NRG3: variants seen among roughly 807,000 people sequenced by gnomAD.
The protein encoded by NRG3 is neuregulin 3, also known as pro-neuregulin-3, membrane-bound isoform.
A neutral mutation model predicts 66.9 loss-of-function variants in NRG3; 31 were observed. That is an observed-to-expected ratio of 0.46 (90% confidence interval 0.35 to 0.63). The LOEUF (loss-of-function observed/expected upper bound fraction) is 0.63. NRG3 is among the 20% of genes least tolerant of loss of function. The probability of loss-of-function intolerance (pLI) is 0.00; values close to 1 mark genes in which losing one functional copy is unlikely to be tolerated. For synonymous variants in NRG3, 393 were observed against 359.4 expected, an observed-to-expected ratio of 1.09 and a Z score of -1.06; for missense variants, 910 against 878.9, an observed-to-expected ratio of 1.04 and a Z score of -0.45.
chr10:82,848,268 A>G (rs547338940), intron 3 of NRG3, among the ~76,000 whole-genome samples: 1 of 152,322 alleles, frequency 6.6e-6, no homozygotes, highest in Middle Eastern at 3.4e-3. Flanking sequence ...GCCCAAGACT[A>G]TAGGAATCCA....
intron 2 of NRG3, among the ~76,000 whole-genome samples, chr10:82,687,917 C>T (rs1374621121): frequency 1.3e-5 from 2 of 152,136 alleles, no homozygotes; most frequent in African/African-American, 4.8e-5. Context: ...TTTCTCCTGC[C>T]ATTCTAGACA....
At chr10:82,400,790 G>A (rs1410625805) in intron 2 of NRG3, among the ~76,000 whole-genome samples, 1 of 151,912 alleles carries the variant, frequency 6.6e-6, no homozygotes, top group African/African-American at 2.4e-5. Flanking sequence ...GCCCAAGCTG[G>A]CCTGAAACTG....
At chr10:82,118,479 T>A (rs2067866297) in intron 1 of NRG3, among the ~76,000 whole-genome samples, 1 of 152,068 alleles carries the variant, frequency 6.6e-6, no homozygotes, top group Non-Finnish European at 1.5e-5. Flanking sequence ...TTTTCTTTTT[T>A]AATAGTGTGA....
intron 2 of NRG3, among the ~76,000 whole-genome samples, chr10:82,555,297 C>T (rs2044580698): frequency 6.6e-6 from 1 of 152,102 alleles, no homozygotes; most frequent in Non-Finnish European, 1.5e-5. Context: ...TATTTAAACC[C>T]ATTGTCCAGT....
chr10:82,618,941 T>A (rs902850609), intron 2 of NRG3, among the ~76,000 whole-genome samples: 1 of 150,732 alleles, frequency 6.6e-6, no homozygotes, highest in Non-Finnish European at 1.5e-5. Context: ...TTTTTTTTTT[T>A]ATTTAATTTT....
rs544114044 is a variant in NRG3 at position 82,933,580 on chromosome 10, G to A, written c.1055-17889G>A. On this transcript the variant is annotated intron_variant, in intron 4 of 8. Coordinates refer to ENST00000372141, the MANE Select transcript of NRG3 (RefSeq NM_001010848.4). ...GAAGTTGTGTAATTGTGCCTCATTC[G>A]TCTTTATAGCCAAAGTATAATCCTA... Among the ~76,000 whole-genome samples the A allele has an allele frequency of 2.7e-3, 413 of 152,160 alleles. 1 individual carries two copies. The highest frequency in any genetic ancestry group is 0.01 in the Middle Eastern group (3 of 294).
chr10:82,344,849 C>T (rs2082901968), intron 1 of NRG3, among the ~76,000 whole-genome samples: 1 of 131,308 alleles, frequency 7.6e-6, no homozygotes, highest in Non-Finnish European at 1.5e-5. Flanking sequence ...TTTTTGGCTG[C>T]ATAAATGTCT....
intron 1 of NRG3, among the ~76,000 whole-genome samples, chr10:81,931,948 C>T (rs1306366428): frequency 1.3e-5 from 2 of 152,104 alleles, no homozygotes; most frequent in East Asian, 1.9e-4. Flanking sequence ...GGATAAGGCA[C>T]GTGTATAAGC....
intron 1 of NRG3, among the ~76,000 whole-genome samples, chr10:82,199,942 C>T (rs1009245390): frequency 6.7e-6 from 1 of 150,170 alleles, no homozygotes; most frequent in African/African-American, 2.5e-5. Context: ...GAATAAAGGA[C>T]TATATTCGTA....
intron 2 of NRG3, among the ~76,000 whole-genome samples, chr10:82,686,628 T>C (rs1224638622): frequency 6.6e-6 from 1 of 152,204 alleles, no homozygotes; most frequent in Non-Finnish European, 1.5e-5. Context: ...AGCTCCATTA[T>C]GATCTTATGG....
intron 1 of NRG3, among the ~76,000 whole-genome samples, chr10:81,876,909 T>G (rs1841717546): frequency 1.3e-5 from 2 of 152,026 alleles, no homozygotes; most frequent in African/African-American, 4.8e-5. Flanking sequence ...CTGCCACCTC[T>G]AGGGTCCTGA....
At chr10:81,880,203 A>C (rs1204690216) in intron 1 of NRG3, among the ~76,000 whole-genome samples, 1 of 152,086 alleles carries the variant, frequency 6.6e-6, no homozygotes, top group Non-Finnish European at 1.5e-5. Context: ...GTGTGTTGGC[A>C]AGGATATTTT....
At chr10:82,563,482 C>G (rs1390129012) in intron 2 of NRG3, among the ~76,000 whole-genome samples, 2 of 151,604 alleles carry the variant, frequency 1.3e-5, no homozygotes, top group African/African-American at 4.8e-5. Context: ...CAGCCTGTTC[C>G]CTGAGATTTT....
chr10:81,981,656 C>G (rs1352112413), intron 1 of NRG3, among the ~76,000 whole-genome samples: 1 of 152,196 alleles, frequency 6.6e-6, no homozygotes, highest in African/African-American at 2.4e-5. Flanking sequence ...ATCCTCCCAC[C>G]AGACCTGGGC....
chr10:82,475,352 A>G (rs1388867407), intron 2 of NRG3, among the ~76,000 whole-genome samples: 1 of 152,082 alleles, frequency 6.6e-6, no homozygotes, highest in East Asian at 1.9e-4. Flanking sequence ...TGGATAATCT[A>G]GGGGAAATGG....
At chr10:82,721,511 C>G (rs1166796173) in intron 2 of NRG3, among the ~76,000 whole-genome samples, 1 of 152,082 alleles carries the variant, frequency 6.6e-6, no homozygotes, top group African/African-American at 2.4e-5. Flanking sequence ...CAACCTCCAC[C>G]TCCCGGGTTC....
At chr10:82,334,136 CAAA>C (rs34320765) in intron 1 of NRG3, among the ~76,000 whole-genome samples, 1 of 89,900 alleles carries the variant, frequency 1.1e-5, no homozygotes, top group Non-Finnish European at 2.6e-5. Context: ...CATGGCGTCT[CAAA>C]AAAAAAAAAA....
chr10:82,319,928 T>C (rs1188854938), intron 1 of NRG3, among the ~76,000 whole-genome samples: 1 of 152,202 alleles, frequency 6.6e-6, no homozygotes, highest in Non-Finnish European at 1.5e-5. Flanking sequence ...CTTTCTGCTC[T>C]GGACTGGAGA....
intron 4 of NRG3, among the ~76,000 whole-genome samples, chr10:82,928,602 G>A (rs559391963): frequency 1.8e-3 from 214 of 117,816 alleles, no homozygotes; most frequent in African/African-American, 6.7e-3. Flanking sequence ...TCTATTTCAG[G>A]GATCAGCAGG....
Sources: gnomAD v4.1 joint callset for allele counts (sites outside exome capture counted in the v4.1 genomes callset) on GRCh38, gnomAD v4.1.1 for gene constraint, MANE v1.5 for transcripts, NCBI Gene and HGNC (gene_info 2026-07-23, HGNC 2026-07-21) for gene names.